Variants in SMARCA4 observed in about 807,000 individuals in gnomAD.
SMARCA4 encodes SWI/SNF related BAF chromatin remodeling complex subunit ATPase 4, also known as SWI/SNF-related matrix-associated actin-dependent regulator of chromatin subfamily A member 4.
A neutral mutation model predicts 193.9 loss-of-function variants in SMARCA4; 31 were observed. The ratio of observed to expected loss-of-function variants is 0.16; its 90% CI spans 0.12 to 0.22. The LOEUF (loss-of-function observed/expected upper bound fraction) is 0.22. Ranked by LOEUF, SMARCA4 falls within the 10% of genes least tolerant of loss-of-function variation. The probability of loss-of-function intolerance (pLI) is 1.00; values close to 1 mark genes in which losing one functional copy is unlikely to be tolerated. For missense variants in SMARCA4, 1,148 were observed against 2,296.0 expected (o/e 0.50, Z 10.22); for synonymous variants, 942 against 933.1 (o/e 1.01, Z -0.17).
rs1437358442 is a variant in SMARCA4, at chr19:10,984,711, C to T, written c.222+338C>T. 1.3e-5 allele frequency among the ~76,000 whole-genome samples: 2 copies of T among 152,220 alleles called. 1 individual carries two copies. The highest frequency in any genetic ancestry group is 1.3e-4 in the Admixed American group (2 of 15,280). ...CCAAATTCCTAAAAAGGCTTTTAGC[C>T]ACGTGGTTTCCCCCGTTCTGGCTGT... is the stretch of plus-strand genomic sequence containing the variant. On this transcript the variant is annotated intron_variant, in intron 2 of 34. Transcript: ENST00000344626. This position sits in a 1 kb window ranked among gnomAD's most constrained non-coding sequence, Gnocchi z 4.3.
rs1555755108 is a variant in SMARCA4 at position 10,987,811 on chromosome 19, G to A, written c.1005G>A (p.Gln335=). ...VMPPQTQSPG[Q]PAQPAPMVPL... Reference sequence around the variant, plus strand: ...CACCGCAGACCCAGTCCCCCGGGCAGCCGGCCCAGCCCGCGCCCATGGTGC... The same window carrying A: ...CACCGCAGACCCAGTCCCCCGGGCAACCGGCCCAGCCCGCGCCCATGGTGC... The change falls in exon 6 of 35, where the codon CAG becomes CAA. Residue 335 remains glutamine, a synonymous_variant. Coordinates refer to ENST00000344626, the MANE Select transcript of SMARCA4 (RefSeq NM_003072.5). This position sits in a 1 kb window ranked among gnomAD's most constrained non-coding sequence, Gnocchi z 5.3. The A allele has an allele frequency of 6.2e-7, 1 of 1,604,770 alleles. No homozygotes were observed. The highest frequency in any genetic ancestry group is 1.3e-5 in the African/African-American group (1 of 74,796).
At chr19:11,023,320 T>G (rs1194203014) in intron 19 of SMARCA4, among the ~76,000 whole-genome samples, 198 bp from the exon 20 acceptor site, 1 of 152,168 alleles carries the variant, frequency 6.6e-6, no homozygotes, top group Non-Finnish European at 1.5e-5. Flanking sequence ...GGGAACCAGA[T>G]CCTCACAGTT....
At chr19:11,054,161 A>G (rs998261151) in intron 30 of SMARCA4, among the ~76,000 whole-genome samples, 1 of 152,210 alleles carries the variant, frequency 6.6e-6, no homozygotes, top group Non-Finnish European at 1.5e-5. Flanking sequence ...GCATTTCCCC[A>G]CCCTGTGACC....
chr19:11,052,963 C>T (rs539856163), intron 30 of SMARCA4, among the ~76,000 whole-genome samples: 2 of 152,320 alleles, frequency 1.3e-5, no homozygotes, highest in Non-Finnish European at 2.9e-5. Flanking sequence ...AGCACAGGCA[C>T]GTGAGACAGG....
intron 23 of SMARCA4, among the ~76,000 whole-genome samples, chr19:11,026,952 G>A (rs979280120): frequency 6.6e-6 from 1 of 152,150 alleles, no homozygotes; most frequent in Non-Finnish European, 1.5e-5. Context: ...CCTAAACTCT[G>A]CTCACTAGTA....
At position 11,061,900 on chromosome 19, in the gene SMARCA4, A is replaced by C; in HGVS notation, c.*84A>C. 8.0e-7 allele frequency: 1 copy of C among 1,248,212 alleles called. No homozygotes were observed. The highest frequency in any genetic ancestry group is 2.3e-5 in the East Asian group (1 of 43,250). The allele number at this position is 1,248,212 out of a possible 1,614,324, so 77.3% of individuals were successfully genotyped here. A position where few individuals can be genotyped will look rare whatever the true frequency, so the allele number is the denominator to read the frequency against. ...CCTTAGCAGTAACGGGTAGCAGCAG[A>C]TGTAGTTTCAGACTTGGAGTAAAAC... is the stretch of plus-strand genomic sequence containing the variant. On this transcript the variant is annotated 3_prime_UTR_variant, in exon 35 of 35. Coordinates refer to ENST00000344626, the MANE Select transcript of SMARCA4 (RefSeq NM_003072.5).
At position 10,987,545 on chromosome 19, in the gene SMARCA4, G is replaced by T; in HGVS notation, c.860-121G>T. 8.8e-7 allele frequency: 1 copy of T among 1,130,502 alleles called. No homozygotes were observed. The highest frequency in any genetic ancestry group is 1.5e-5 in the African/African-American group (1 of 65,744). The allele number at this position is 1,130,502 out of a possible 1,614,324, so 70.0% of individuals were successfully genotyped here. A position where few individuals can be genotyped will look rare whatever the true frequency, so the allele number is the denominator to read the frequency against. ...TGTGAAGGACACCCCTGGGTGAAAG[G>T]TGGGAGATGGGCGGGGTCTGCCTGT... On this transcript the variant is annotated intron_variant, in intron 5 of 34. Transcript: ENST00000344626. This position sits in a 1 kb window ranked among gnomAD's most constrained non-coding sequence, Gnocchi z 5.3.
At chr19:11,011,232 C>CTT (rs74180004) in intron 15 of SMARCA4, 9 of 147,020 alleles carry the variant, frequency 6.1e-5, no homozygotes, top group Non-Finnish European at 1.0e-4. Context: ...CTTTTCTTTT[C>CTT]TTTTTTTTTT....
intron 1 of SMARCA4, among the ~76,000 whole-genome samples, chr19:10,975,330 T>C (rs1369751000): frequency 1.3e-5 from 2 of 150,116 alleles, no homozygotes; most frequent in Non-Finnish European, 3.0e-5. Context: ...TTTTTTTTTT[T>C]TTTTTTGAGT....
In SMARCA4 at chr19:11,010,537, G is replaced by T. The variant is rs1555773425; in HGVS notation, c.2274+6G>T. 1 of 1,613,278 alleles carries T rather than the reference G, an allele frequency of 6.2e-7. No individual in the cohort carries two copies. The highest frequency in any genetic ancestry group is 1.1e-5 in the South Asian group (1 of 91,086). On this transcript the variant is annotated splice_donor_region_variant and intron_variant, in intron 15 of 34. Transcript: ENST00000344626. ...GTGTCCTCAAACAGTACCAGGTGAGGTAGGGGGTGGGGAGGCCACCGCCAC... is the reference window on the plus strand; with the variant it reads ...GTGTCCTCAAACAGTACCAGGTGAGTTAGGGGGTGGGGAGGCCACCGCCAC...
At chr19:10,980,782 C>T (rs998213214) in intron 1 of SMARCA4, 2 of 152,188 alleles carry the variant, frequency 1.3e-5, no homozygotes, top group Admixed American at 6.5e-5. Context: ...GACAGCGTCT[C>T]GCCCTTTTGC....
intron 18 of SMARCA4, among the ~76,000 whole-genome samples, chr19:11,020,125 T>A (rs2089728911): frequency 1.3e-5 from 2 of 152,238 alleles, no homozygotes; most frequent in African/African-American, 4.8e-5. Context: ...ATTCAGCATG[T>A]GGGGGAGAGC....
intron 1 of SMARCA4, among the ~76,000 whole-genome samples, chr19:10,965,490 G>A (rs1048464462): frequency 6.6e-6 from 1 of 152,238 alleles, no homozygotes; most frequent in Non-Finnish European, 1.5e-5. Flanking sequence ...ATGTTTCAAA[G>A]TGGTAGCAAA....
intron 1 of SMARCA4, among the ~76,000 whole-genome samples, chr19:10,970,992 A>C (rs1429532356): frequency 6.6e-6 from 1 of 152,104 alleles, no homozygotes; most frequent in Admixed American, 6.5e-5. Flanking sequence ...TGAGGTCGGG[A>C]GTTTGAGACC....
Position 11,031,052 on chromosome 19 carries a change from G to C in SMARCA4, c.3546+159G>C. On this transcript the variant is annotated intron_variant, in intron 25 of 34. Transcript: ENST00000344626. The surrounding 1 kb of genome is among the most constrained non-coding windows in gnomAD (Gnocchi z 4.3). The stretch of plus-strand genomic sequence containing the variant: ...ACCCATATCTCCATAGGTCATCAGG[G>C]AGAAAAGAGGCGGGGTCCTCCTGTT... 1 of 709,480 alleles carries C rather than the reference G, an allele frequency of 1.4e-6. No homozygotes were observed. Among genetic ancestry groups the C allele is most frequent in the Non-Finnish European group, 2.5e-6 (1 of 401,302 alleles). The allele number at this position is 709,480 out of a possible 1,614,324, so 43.9% of individuals were successfully genotyped here.
chr19:11,039,209 C>T (rs1023629592), intron 29 of SMARCA4, among the ~76,000 whole-genome samples: 3 of 152,114 alleles, frequency 2.0e-5, no homozygotes, highest in Non-Finnish European at 4.4e-5. Context: ...CAAAAATTAG[C>T]CAGGCATGGT....
Position 11,034,137 on chromosome 19 carries a change from G to C in SMARCA4, c.3888G>C (p.Val1296=), listed in dbSNP as rs2075117210. 2 of 1,613,666 alleles carry C rather than the reference G, an allele frequency of 1.2e-6. No individual in the cohort carries two copies. Among genetic ancestry groups the C allele is most frequent in the East Asian group, 2.2e-5 (1 of 44,882 alleles). Residue 1296 remains valine (V), a synonymous_variant, in exon 28 of 35, where the codon GTG becomes GTC. Coordinates refer to ENST00000344626, the MANE Select transcript of SMARCA4 (RefSeq NM_003072.5). The surrounding 1 kb of genome is among the most constrained non-coding windows in gnomAD (Gnocchi z 7.0). Reference sequence around the variant, plus strand: ...CAATCTTATAGGAGGAAGACGAGGTGCCCGACGACGAGACCGTCAACCAGA... The same window carrying C: ...CAATCTTATAGGAGGAAGACGAGGTCCCCGACGACGAGACCGTCAACCAGA... ...EEPPLKEEDE[V]PDDETVNQMI...
intron 1 of SMARCA4, among the ~76,000 whole-genome samples, chr19:10,964,065 G>A (rs2084023589): frequency 6.6e-6 from 1 of 152,180 alleles, no homozygotes; most frequent in Non-Finnish European, 1.5e-5. Context: ...TTTTGAGCAG[G>A]GGAGGTGATG....
chr19:10,987,433 C>G lies in SMARCA4; in HGVS notation c.860-233C>G, dbSNP rs748973358. On this transcript the variant is annotated intron_variant, in intron 5 of 34. Transcript: ENST00000344626. This position sits in a 1 kb window ranked among gnomAD's most constrained non-coding sequence, Gnocchi z 5.3. ...TAGAGCCACAGACAGAACAAAAAGG[C>G]CTTGGGAGCCTGGGGCTGGCCCCAG... is the stretch of plus-strand genomic sequence containing the variant. 6.6e-6 allele frequency among the ~76,000 whole-genome samples: 1 copy of G among 152,144 alleles called. No individual in the cohort carries two copies. The highest frequency in any genetic ancestry group is 1.5e-5 in the Non-Finnish European group (1 of 68,022).
Sources: allele counts gnomAD v4.1 joint callset (sites outside exome capture counted in the v4.1 genomes callset), GRCh38; gene constraint gnomAD v4.1.1; non-coding constraint Gnocchi (gnomAD v3.1); transcripts MANE v1.5; gene names NCBI Gene and HGNC (gene_info 2026-07-23, HGNC 2026-07-21).